The following SLC3A1 variants were observed in gnomAD, a reference collection of about 807,000 sequenced individuals.
SLC3A1 encodes the protein solute carrier family 3 member 1.
In SLC3A1, 78 loss-of-function variants were observed where a neutral mutation model predicts 60.3. The observed-to-expected ratio is 1.29, with a 90% CI of 1.08 to 1.56. The LOEUF (loss-of-function observed/expected upper bound fraction) is 1.56. Among genes scored for constraint, SLC3A1 ranks in the 40% most tolerant of loss-of-function variants. The pLI, the probability that SLC3A1 is intolerant of heterozygous loss-of-function variation, is 0.00. For synonymous variants in SLC3A1, 392 were observed against 307.9 expected (o/e 1.27, Z -2.86); for missense variants, 1,172 against 858.9 (o/e 1.36, Z -4.56).
At chr2:44,280,968 G>A in intron 2 of SLC3A1, 73 bp downstream of exon 2, 2 of 1,298,102 alleles carry the variant, frequency 1.5e-6, no homozygotes, top group Non-Finnish European at 2.2e-6. Flanking sequence ...TTTACTTAAA[G>A]CATTTCTTCT....
chr2:44,299,373 C>A (rs1047758039), intron 4 of SLC3A1, among the ~76,000 whole-genome samples: 2 of 152,176 alleles, frequency 1.3e-5, no homozygotes, highest in African/African-American at 2.4e-5. Context: ...GTATTCAAGA[C>A]AACACTAGTA....
At position 44,301,094 on chromosome 2, in the gene SLC3A1, T is replaced by C. The variant is rs1219653350; in HGVS notation, c.1103T>C (p.Met368Thr). 3.7e-6 allele frequency: 6 copies of C among 1,613,930 alleles called. No homozygotes were observed. The highest frequency in any genetic ancestry group is 5.1e-6 in the Non-Finnish European group (6 of 1,180,042). The change falls in exon 6 of 10, where the codon ATG (methionine) becomes ACG (threonine). Residue 368 changes from methionine (M) to threonine (T), a missense_variant. By Grantham distance (81) the Met-to-Thr change is moderately conservative. Coordinates refer to ENST00000260649, the MANE Select transcript of SLC3A1 (RefSeq NM_000341.4). ...ATTGTCCGCAGCTTCCGGCAGACCA[T>C]GGACCAATACAGCACGGAGCCCGGC... is the stretch of plus-strand genomic sequence containing the variant. Reference protein sequence around the residue: ...HDIVRSFRQTMDQYSTEPGRY... With the variant: ...HDIVRSFRQTTDQYSTEPGRY...
At position 44,320,389 on chromosome 2, in the gene SLC3A1, C is replaced by T; in HGVS notation, c.1808C>T (p.Thr603Ile). 6.2e-7 allele frequency: 1 copy of T among 1,614,036 alleles called. No homozygotes were observed. The change falls in exon 10 of 10, where the codon ACA (threonine) becomes ATA (isoleucine). Residue 603 changes from threonine (T) to isoleucine (I), a missense_variant. Coordinates refer to ENST00000260649, the MANE Select transcript of SLC3A1 (RefSeq NM_000341.4). Reference sequence around the variant, plus strand: ...GTGGTTCTGAATTTTGGAGAATCAACACTGTTAAATCTACATAATATGATT... The same window carrying T: ...GTGGTTCTGAATTTTGGAGAATCAATACTGTTAAATCTACATAATATGATT... The part of the protein sequence containing the change: ...FIVVLNFGES[T>I]LLNLHNMISG...
At chr2:44,285,868 G>A (rs935372233) in intron 3 of SLC3A1, 164 bp from the exon 4 acceptor site, 6 of 846,430 alleles carry the variant, frequency 7.1e-6, no homozygotes, top group Non-Finnish European at 1.0e-5. Flanking sequence ...GGCCAATGGG[G>A]TGGGGGGTAT....
chr2:44,305,466 T>C (rs1672131629), intron 7 of SLC3A1, among the ~76,000 whole-genome samples: 1 of 150,368 alleles, frequency 6.7e-6, no homozygotes, highest in Non-Finnish European at 1.5e-5. Context: ...CCTCCCTCTG[T>C]TGCCCAGGCT....
intron 7 of SLC3A1, among the ~76,000 whole-genome samples, chr2:44,308,906 G>A (rs947253771): frequency 6.6e-6 from 1 of 151,898 alleles, no homozygotes; most frequent in Non-Finnish European, 1.5e-5. Context: ...CTAACTTCTT[G>A]TATTTTTAGT....
In SLC3A1 at chr2:44,313,840, C is replaced by T. The variant is rs372285764; in HGVS notation, c.1506C>T (p.Thr502=). The T allele has an allele frequency of 3.1e-6, 5 of 1,612,648 alleles. No individual in the cohort carries two copies. The highest frequency in any genetic ancestry group is 4.2e-6 in the Non-Finnish European group (5 of 1,178,800). ...ANLNESYDIN[T]LRSKSPMQWD... ...TTTCTGGTCTTTTGACATAGAATAC[C>T]CTTCGCTCAAAGTCACCAATGCAGT... is the stretch of plus-strand genomic sequence containing the variant. The change falls in exon 9 of 10, where the codon ACC becomes ACT. Residue 502 remains threonine, a synonymous_variant. Coordinates refer to ENST00000260649, the MANE Select transcript of SLC3A1 (RefSeq NM_000341.4).
intron 4 of SLC3A1, among the ~76,000 whole-genome samples, chr2:44,286,907 G>C (rs1671630274): frequency 6.6e-6 from 1 of 152,194 alleles, no homozygotes. Context: ...TCTGGCTCCT[G>C]CATCTAAAAT....
chr2:44,287,067 C>T (rs550072565), intron 4 of SLC3A1, among the ~76,000 whole-genome samples: 1 of 152,222 alleles, frequency 6.6e-6, no homozygotes, highest in South Asian at 2.1e-4. Flanking sequence ...TAAATATTAA[C>T]ATATTGCCTA....
At chr2:44,298,372 C>T (rs1327369937) in intron 4 of SLC3A1, among the ~76,000 whole-genome samples, 1 of 148,978 alleles carries the variant, frequency 6.7e-6, no homozygotes, top group African/African-American at 2.6e-5. Context: ...ACCCCCCTAT[C>T]CCTGCCACTG....
At position 44,281,267 on chromosome 2, in the gene SLC3A1, TCCTA is replaced by T. The variant is rs1386609062; in HGVS notation, c.611-116_611-113del. On this transcript the variant is annotated intron_variant, in intron 2 of 9. Transcript: ENST00000260649. Reference sequence around the variant, plus strand: ...TCCACCTCCTGGGCTCAAGCAATCCTCCTACCTTAGCCTCCCAGTGTATTGGGGT... The same window carrying T: ...TCCACCTCCTGGGCTCAAGCAATCCTCCTTAGCCTCCCAGTGTATTGGGGT... The T allele has an allele frequency of 3.6e-6, 3 of 835,720 alleles. No individual in the cohort carries two copies. The African/African-American group carries it at 5.2e-5, about 14-fold the overall frequency. 51.8% of individuals were successfully genotyped at this position (835,720 alleles called of 1,614,324 possible). A position where few individuals can be genotyped will look rare whatever the true frequency, so the allele number is the denominator to read the frequency against.
At chr2:44,278,974 A>T (rs1671412010) in intron 1 of SLC3A1, among the ~76,000 whole-genome samples, 1 of 151,402 alleles carries the variant, frequency 6.6e-6, no homozygotes, top group African/African-American at 2.4e-5. Flanking sequence ...AAATTAATTG[A>T]TGCATTTACT....
intron 6 of SLC3A1, among the ~76,000 whole-genome samples, chr2:44,303,262 T>TTTA (rs35961995): frequency 6.7e-6 from 1 of 149,962 alleles, no homozygotes; most frequent in African/African-American, 2.5e-5. Flanking sequence ...TTTTTTTTTT[T>TTTA]AAAGACATTC....
chr2:44,320,915 T>C lies in SLC3A1; in HGVS notation c.*276T>C, dbSNP rs538703873. 1.1e-5 allele frequency: 5 copies of C among 450,548 alleles called. No individual in the cohort carries two copies. The highest frequency in any genetic ancestry group is 7.6e-5 in the Admixed American group (2 of 26,398). The allele number at this position is 450,548 out of a possible 1,614,324, so 27.9% of individuals were successfully genotyped here. Reference sequence around the variant, plus strand: ...AGGACCCCAGATTATTCAAAAACTTTAACGAATTTTAAGGGGAAGAATTTT... The same window carrying C: ...AGGACCCCAGATTATTCAAAAACTTCAACGAATTTTAAGGGGAAGAATTTT... On this transcript the variant is annotated 3_prime_UTR_variant, in exon 10 of 10. Coordinates refer to ENST00000260649, the MANE Select transcript of SLC3A1 (RefSeq NM_000341.4).
chr2:44,301,558 G>A (rs145785246), intron 6 of SLC3A1: 22,105 of 296,496 alleles, frequency 0.075, 1,033 homozygotes, highest in Non-Finnish European at 0.099. Context: ...GGCCAACATG[G>A]TGAAACCCCA....
chr2:44,280,841 A>T lies in SLC3A1; in HGVS notation c.556A>T (p.Ile186Phe). ...TGAAGATTTCCGGGAAGTTGATCCCATTTTTGGAACGATGGAAGATTTTGA... is the reference window on the plus strand; with the variant it reads ...TGAAGATTTCCGGGAAGTTGATCCCTTTTTTGGAACGATGGAAGATTTTGA... ...GVEDFREVDPIFGTMEDFENL... is the reference protein window; with the variant it reads ...GVEDFREVDPFFGTMEDFENL... The change falls in exon 2 of 10, where the codon ATT (isoleucine) becomes TTT (phenylalanine). Residue 186 changes from isoleucine to phenylalanine, a missense_variant. By Grantham distance (21) the Ile-to-Phe change is conservative (BLOSUM62 0). Coordinates refer to ENST00000260649, the MANE Select transcript of SLC3A1 (RefSeq NM_000341.4). 6 of 1,614,130 alleles carry T rather than the reference A, an allele frequency of 3.7e-6. No homozygotes were observed. The highest frequency in any genetic ancestry group is 5.1e-6 in the Non-Finnish European group (6 of 1,180,000).
downstream of SLC3A1, chr2:44,321,625 T>C: frequency 6.7e-7 from 1 of 1,485,064 alleles, no homozygotes. Context: ...TTATTTTCTT[T>C]AACAGAGCTC....
At chr2:44,307,381 G>C (rs1672184315) in intron 7 of SLC3A1, among the ~76,000 whole-genome samples, 1 of 152,126 alleles carries the variant, frequency 6.6e-6, no homozygotes, top group African/African-American at 2.4e-5. Context: ...CTGGGCATAT[G>C]GTAAGTCTAC....
chr2:44,316,290 C>G (rs1032239718), intron 9 of SLC3A1: 2 of 152,126 alleles, frequency 1.3e-5, no homozygotes, highest in African/African-American at 4.8e-5. Context: ...TAAATACCCC[C>G]AGTAGATTGC....
Sources: allele counts gnomAD v4.1 joint callset (sites outside exome capture counted in the v4.1 genomes callset), GRCh38; gene constraint gnomAD v4.1.1; transcripts MANE v1.5; gene names NCBI Gene and HGNC (gene_info 2026-07-23, HGNC 2026-07-21).